The following ZNF474 variants were observed in gnomAD, a reference collection of about 807,000 sequenced individuals.
ZNF474 encodes the protein zinc finger protein 474, also known as 4933409D10Rik.
For missense variants in ZNF474, 511 were observed against 433.8 expected, an observed-to-expected ratio of 1.18 and a Z score of -1.58; for synonymous variants, 192 against 162.2, an observed-to-expected ratio of 1.18 and a Z score of -1.39.
chr5:122,139,715 T>G (rs1755787803), intron 1 of ZNF474, among the ~76,000 whole-genome samples: 2 of 152,200 alleles, frequency 1.3e-5, no homozygotes, highest in Non-Finnish European at 2.9e-5. Flanking sequence ...GAAAGAGTAG[T>G]GACTGAATAA....
intron 1 of ZNF474, among the ~76,000 whole-genome samples, chr5:122,151,182 G>A (rs1756159258): frequency 6.6e-6 from 1 of 152,176 alleles, no homozygotes; most frequent in African/African-American, 2.4e-5. Context: ...CAATTAAAAT[G>A]TATATCACAA....
In ZNF474 at chr5:122,153,113, T is replaced by A. The variant is rs1399474801; in HGVS notation, c.*28T>A. 1 of 1,576,312 alleles carries A rather than the reference T, an allele frequency of 6.3e-7. No individual in the cohort carries two copies. The highest frequency in any genetic ancestry group is 1.8e-5 in the Admixed American group (1 of 55,692). ...GAACAAGAGAAAACTATCCCCAGAA[T>A]CAGCCACCTCAGCCCCTAGTATTTT... On this transcript the variant is annotated 3_prime_UTR_variant, in exon 2 of 2. Coordinates refer to ENST00000296600, the MANE Select transcript of ZNF474 (RefSeq NM_207317.3).
chr5:122,141,170 A>ATTTTATT (rs1167769955), intron 1 of ZNF474, among the ~76,000 whole-genome samples: 3 of 18,036 alleles, frequency 1.7e-4, no homozygotes, highest in African/African-American at 4.0e-4. Flanking sequence ...ATTTTATTTT[A>ATTTTATT]TTTTTGGAAA....
chr5:122,152,005 G>A lies in ZNF474; in HGVS notation c.15G>A (p.Lys5=). 1 of 1,609,312 alleles carries A rather than the reference G, an allele frequency of 6.2e-7. No homozygotes were observed. Among genetic ancestry groups the A allele is most frequent in the Non-Finnish European group, 8.5e-7 (1 of 1,178,912 alleles). ...CATCTTTGTTAATGGAAAGAGGAAAGAAGAAAAGAATTTCCAATAAGTTAC... is the reference window on the plus strand; with the variant it reads ...CATCTTTGTTAATGGAAAGAGGAAAAAAGAAAAGAATTTCCAATAAGTTAC... MERG[K]KKRISNKLQQ... Residue 5 remains lysine (K), a synonymous_variant, in exon 2 of 2, where the codon AAG becomes AAA. Transcript: ENST00000296600.
At chr5:122,143,233 C>T (rs539179971) in intron 1 of ZNF474, among the ~76,000 whole-genome samples, 5 of 152,230 alleles carry the variant, frequency 3.3e-5, no homozygotes, top group South Asian at 2.1e-4. Flanking sequence ...CTAGCAGCTC[C>T]GTTCATGCAC....
rs367652801 is a variant in ZNF474, at chr5:122,152,806, A to G, written c.816A>G (p.Ala272=). ...LPQKPQPLPN[A]QSSQAGPNQA... ...AGAAGCCTCAGCCCCTTCCGAATGC[A>G]CAGTCCAGCCAAGCGGGACCAAATC... Residue 272 remains alanine, a synonymous_variant, in exon 2 of 2, where the codon GCA becomes GCG. Coordinates refer to ENST00000296600, the MANE Select transcript of ZNF474 (RefSeq NM_207317.3). 2.6e-5 allele frequency: 42 copies of G among 1,614,036 alleles called. No homozygotes were observed. The highest frequency in any genetic ancestry group is 3.2e-5 in the Non-Finnish European group (38 of 1,180,032).
intron 1 of ZNF474, among the ~76,000 whole-genome samples, chr5:122,133,109 T>C (rs1303037963): frequency 6.6e-6 from 1 of 152,156 alleles, no homozygotes; most frequent in African/African-American, 2.4e-5. Flanking sequence ...GGAATCATAA[T>C]CCCAGTGAAA....
intron 1 of ZNF474, among the ~76,000 whole-genome samples, chr5:122,137,632 A>C (rs937686467): frequency 6.6e-6 from 1 of 151,960 alleles, no homozygotes; most frequent in African/African-American, 2.4e-5. Context: ...ACCCCAAAGT[A>C]AGAGAGAGTT....
intron 1 of ZNF474, among the ~76,000 whole-genome samples, chr5:122,147,558 T>A (rs1381256576): frequency 1.4e-5 from 2 of 146,668 alleles, no homozygotes; most frequent in Admixed American, 1.4e-4. Flanking sequence ...CCATGTGTGA[T>A]GTTCCCCGTG....
In ZNF474 at chr5:122,151,826, C is replaced by T. The variant is rs572564870; in HGVS notation, c.-165C>T. ...AATGAGGACTTTCCAACATTCCAGA[C>T]TGCCGTCCTGCAATGAAGCTCTGAG... On this transcript the variant is annotated 5_prime_UTR_variant, in exon 2 of 2. Coordinates refer to ENST00000296600, the MANE Select transcript of ZNF474 (RefSeq NM_207317.3). 100 of 772,966 alleles carry T rather than the reference C, an allele frequency of 1.3e-4. No individual in the cohort carries two copies. The highest frequency in any genetic ancestry group is 1.2e-3 in the Middle Eastern group (3 of 2,558). 47.9% of individuals were successfully genotyped at this position (772,966 alleles called of 1,614,324 possible).
chr5:122,153,208 T>A lies in ZNF474; in HGVS notation c.*123T>A. ...TAACTCCCTGTTGAACTCCAGGGCC[T>A]ATACCTCTCTTGGCTGAATAGATAT... On this transcript the variant is annotated 3_prime_UTR_variant, in exon 2 of 2. Transcript: ENST00000296600. 8.0e-7 allele frequency: 1 copy of A among 1,250,448 alleles called. No homozygotes were observed. Among genetic ancestry groups the A allele is most frequent in the East Asian group, 2.5e-5 (1 of 40,514 alleles). 77.5% of individuals were successfully genotyped at this position (1,250,448 alleles called of 1,614,324 possible). A position where few individuals can be genotyped will look rare whatever the true frequency, so the allele number is the denominator to read the frequency against.
At chr5:122,135,703 C>A (rs1262131372) in intron 1 of ZNF474, among the ~76,000 whole-genome samples, 1 of 152,090 alleles carries the variant, frequency 6.6e-6, no homozygotes, top group Admixed American at 6.6e-5. Flanking sequence ...ATGTTTATTG[C>A]AGCAATATCC....
chr5:122,146,369 AT>A (rs61306725), intron 1 of ZNF474, among the ~76,000 whole-genome samples: 4,203 of 152,162 alleles, frequency 0.028, 194 homozygotes, highest in African/African-American at 0.096. Flanking sequence ...TAGTCATTAA[AT>A]TTTTTTTCTT....
At chr5:122,130,512 C>T (rs77731334) in intron 1 of ZNF474, among the ~76,000 whole-genome samples, 7 of 152,068 alleles carry the variant, frequency 4.6e-5, no homozygotes, top group African/African-American at 1.7e-4. Context: ...GTTTTTAAGT[C>T]AGTAGTACAA....
rs1057317435 is a variant in ZNF474, at chr5:122,151,830, C to T, written c.-161C>T. 7 of 798,202 alleles carry T rather than the reference C, an allele frequency of 8.8e-6. No homozygotes were observed. The highest frequency in any genetic ancestry group is 1.4e-5 in the Non-Finnish European group (7 of 516,496). 49.4% of individuals were successfully genotyped at this position (798,202 alleles called of 1,614,324 possible). A position where few individuals can be genotyped will look rare whatever the true frequency, so the allele number is the denominator to read the frequency against. ...AGGACTTTCCAACATTCCAGACTGC[C>T]GTCCTGCAATGAAGCTCTGAGTCAC... On this transcript the variant is annotated 5_prime_UTR_variant, in exon 2 of 2. Transcript: ENST00000296600.
intron 1 of ZNF474, among the ~76,000 whole-genome samples, chr5:122,141,612 T>A (rs955131758): frequency 6.6e-6 from 1 of 151,748 alleles, no homozygotes; most frequent in East Asian, 1.9e-4. Flanking sequence ...CGGCCCTAGC[T>A]AATTTTTTGT....
intron 1 of ZNF474, among the ~76,000 whole-genome samples, chr5:122,133,106 T>C (rs1362097016): frequency 6.6e-6 from 1 of 152,182 alleles, no homozygotes; most frequent in African/African-American, 2.4e-5. Flanking sequence ...TCAGGAATCA[T>C]AATCCCAGTG....
intron 1 of ZNF474, among the ~76,000 whole-genome samples, chr5:122,141,125 ATTTTATT>A (rs1176958667): frequency 7.8e-5 from 3 of 38,424 alleles, no homozygotes; most frequent in African/African-American, 1.4e-4. Context: ...ATTTTATTTT[ATTTTATT>A]TTATTTTATT....
intron 1 of ZNF474, among the ~76,000 whole-genome samples, chr5:122,148,920 G>T (rs1011534215): frequency 1.3e-5 from 2 of 151,892 alleles, no homozygotes; most frequent in Non-Finnish European, 2.9e-5. Context: ...AGTAGAGACG[G>T]GGATTCACCA....
Sources: allele counts gnomAD v4.1 joint callset (sites outside exome capture counted in the v4.1 genomes callset), GRCh38; gene constraint gnomAD v4.1.1; transcripts MANE v1.5; gene names NCBI Gene and HGNC (gene_info 2026-07-23, HGNC 2026-07-21).